The following CYB5R4 variants were observed in gnomAD, a reference collection of about 807,000 sequenced individuals.
CYB5R4 encodes N-terminal cytochrome b5 and cytochrome b5 oxidoreductase domain-containing protein.
In CYB5R4, 55 loss-of-function variants were observed where a neutral mutation model predicts 70.2. That is an observed-to-expected ratio of 0.78 (90% CI 0.63 to 0.98). CYB5R4 has a LOEUF of 0.98. CYB5R4 is among the 50% of genes least tolerant of loss of function. The pLI is 0.00. For synonymous variants in CYB5R4, 197 were observed against 199.5 expected, an observed-to-expected ratio of 0.99 and a Z score of 0.11; for missense variants, 562 against 612.6, an observed-to-expected ratio of 0.92 and a Z score of 0.87.
intron 14 of CYB5R4, among the ~76,000 whole-genome samples, chr6:83,943,554 C>T (rs1437431157): frequency 6.6e-6 from 1 of 152,092 alleles, no homozygotes; most frequent in Non-Finnish European, 1.5e-5. Flanking sequence ...CAGAATGCCT[C>T]TTCTCCTCCA....
chr6:83,894,457 A>G (rs1221440472), intron 3 of CYB5R4, among the ~76,000 whole-genome samples: 1 of 151,848 alleles, frequency 6.6e-6, no homozygotes, highest in African/African-American at 2.4e-5. Flanking sequence ...TGTTCTTCCT[A>G]TTTTCTCATC....
intron 4 of CYB5R4, 84 bp downstream of exon 4, chr6:83,909,174 TACA>T: frequency 9.4e-7 from 1 of 1,063,190 alleles, no homozygotes; most frequent in Non-Finnish European, 1.4e-6. Flanking sequence ...ACTAGGTCTA[TACA>T]AATCACTATG....
chr6:83,875,380 G>A (rs909494970), intron 2 of CYB5R4, among the ~76,000 whole-genome samples: 4 of 152,132 alleles, frequency 2.6e-5, no homozygotes, highest in Admixed American at 1.3e-4. Context: ...TGAGTAGCTA[G>A]GACTACAGGA....
At chr6:83,911,261 TATTTA>T (rs953191706) in intron 4 of CYB5R4, among the ~76,000 whole-genome samples, 2 of 151,804 alleles carry the variant, frequency 1.3e-5, no homozygotes, top group African/African-American at 4.8e-5. Context: ...AAAAAAATTA[TATTTA>T]ATTAAAAAAA....
At chr6:83,904,997 A>T (rs1588571169) in intron 3 of CYB5R4, among the ~76,000 whole-genome samples, 1 of 148,770 alleles carries the variant, frequency 6.7e-6, no homozygotes, top group Non-Finnish European at 1.5e-5. Context: ...TTGATATTGC[A>T]CATCTGGTGT....
At chr6:83,926,260 A>G (rs764009296) in intron 10 of CYB5R4, 2 of 152,172 alleles carry the variant, frequency 1.3e-5, no homozygotes, top group Non-Finnish European at 2.9e-5. Flanking sequence ...AGAGTGAACA[A>G]TCTCCTACCT....
In CYB5R4 at chr6:83,940,612, G is replaced by C; in HGVS notation, c.1346+11G>C. The C allele has an allele frequency of 6.3e-7, 1 of 1,591,060 alleles. No individual in the cohort carries two copies. On this transcript the variant is annotated intron_variant, in intron 14 of 15. Coordinates refer to ENST00000369681, the MANE Select transcript of CYB5R4 (RefSeq NM_016230.4). ...ATTTAAAGATAAAAGGTATTAAACT[G>C]ATATTAGCTCTGCGTTTAGTTATTT... is the stretch of plus-strand genomic sequence containing the variant.
chr6:83,945,219 G>A (rs117658348), intron 14 of CYB5R4, among the ~76,000 whole-genome samples: 1,989 of 151,078 alleles, frequency 0.013, 26 homozygotes, highest in Admixed American at 0.019. Flanking sequence ...AATCATAACG[G>A]TCTCCCAGAC....
chr6:83,921,088 A>G lies in CYB5R4; in HGVS notation c.571A>G (p.Asn191Asp). ...IAIYTKQKDI[N>D]LDSIIVDHQN... Reference sequence around the variant, plus strand: ...TTTTTGCTTTCTCTTTAAGGATATCAATTTAGACTCAATAATAGTTGATCA... The same window carrying G: ...TTTTTGCTTTCTCTTTAAGGATATCGATTTAGACTCAATAATAGTTGATCA... Residue 191 changes from asparagine to aspartate, a missense_variant, in exon 8 of 16, where the codon AAT (asparagine) becomes GAT (aspartate). Transcript: ENST00000369681. The G allele has an allele frequency of 6.6e-7, 1 of 1,504,878 alleles. No individual in the cohort carries two copies. The highest frequency in any genetic ancestry group is 2.2e-5 in the Admixed American group (1 of 45,536). 93.2% of individuals were successfully genotyped at this position (1,504,878 alleles called of 1,614,324 possible).
intron 2 of CYB5R4, among the ~76,000 whole-genome samples, chr6:83,872,084 A>G (rs1304027473): frequency 1.3e-5 from 2 of 152,128 alleles, no homozygotes; most frequent in African/African-American, 4.8e-5. Flanking sequence ...ATTTCTAGAG[A>G]TAGTCTGCAG....
At chr6:83,900,929 GT>G (rs1422979366) in intron 3 of CYB5R4, among the ~76,000 whole-genome samples, 198 of 134,264 alleles carry the variant, frequency 1.5e-3, no homozygotes, top group African/African-American at 3.9e-3. Context: ...CCAATTCGCT[GT>G]TTTGTGTCTT....
At chr6:83,923,851 G>T (rs1263061855) in intron 9 of CYB5R4, among the ~76,000 whole-genome samples, 3 of 151,538 alleles carry the variant, frequency 2.0e-5, no homozygotes, top group Non-Finnish European at 4.4e-5. Context: ...GGATCTCGAG[G>T]TCAGGAGATC....
chr6:83,931,781 T>G (rs888277043), intron 10 of CYB5R4, among the ~76,000 whole-genome samples: 15 of 138,546 alleles, frequency 1.1e-4, no homozygotes, highest in Admixed American at 8.4e-4. Context: ...TTTATACTTC[T>G]TTTTTGTTTA....
At chr6:83,889,773 T>TG (rs1337245370) in intron 2 of CYB5R4, among the ~76,000 whole-genome samples, 1 of 152,170 alleles carries the variant, frequency 6.6e-6, no homozygotes, top group Non-Finnish European at 1.5e-5. Context: ...ATCAGCTTCT[T>TG]GGGGAAGTCT....
intron 14 of CYB5R4, among the ~76,000 whole-genome samples, chr6:83,950,996 G>A (rs1347367642): frequency 1.3e-5 from 2 of 152,038 alleles, no homozygotes; most frequent in Admixed American, 1.3e-4. Context: ...TCACAACTAG[G>A]GGAAGACGTG....
chr6:83,923,427 C>T (rs2099466737), intron 9 of CYB5R4, among the ~76,000 whole-genome samples: 1 of 152,192 alleles, frequency 6.6e-6, no homozygotes, highest in East Asian at 1.9e-4. Context: ...AATCAGTGCT[C>T]ATTGAATTGA....
rs2099474236 is a variant in CYB5R4, at chr6:83,967,341, G to T, written c.*7463G>T. 1 of 152,184 alleles carries T rather than the reference G, an allele frequency of 6.6e-6. No homozygotes were observed. Among genetic ancestry groups the T allele is most frequent in the Non-Finnish European group, 1.5e-5 (1 of 68,038 alleles). 9.4% of individuals were successfully genotyped at this position (152,184 alleles called of 1,614,324 possible). On this transcript the variant is annotated 3_prime_UTR_variant, in exon 16 of 16. Coordinates refer to ENST00000369681, the MANE Select transcript of CYB5R4 (RefSeq NM_016230.4). ...TATAGGTATATGCTAAACTATTTCA[G>T]TAGTTTTGGCAGTGGTTGTATTAGT...
intron 2 of CYB5R4, among the ~76,000 whole-genome samples, chr6:83,882,876 A>T (rs2099459685): frequency 6.6e-6 from 1 of 152,110 alleles, no homozygotes; most frequent in Admixed American, 6.6e-5. Context: ...CGGGAGGCTG[A>T]GGTAGGAGAA....
chr6:83,918,301 A>G (rs573182696), intron 6 of CYB5R4, among the ~76,000 whole-genome samples: 6 of 152,194 alleles, frequency 3.9e-5, no homozygotes, highest in African/African-American at 1.4e-4. Context: ...ACTTTAAAAA[A>G]CTATTCTAAA....
Sources: gnomAD v4.1 joint callset for allele counts (sites outside exome capture counted in the v4.1 genomes callset) on GRCh38, gnomAD v4.1.1 for gene constraint, MANE v1.5 for transcripts, NCBI Gene and HGNC (gene_info 2026-07-23, HGNC 2026-07-21) for gene names.